Variants in SDHA observed in about 807,000 individuals in gnomAD.
SDHA encodes the protein succinate dehydrogenase [ubiquinone] flavoprotein subunit, mitochondrial.
SDHA carries 48 observed loss-of-function variants against 78.4 expected under a neutral mutation model. That is an observed-to-expected ratio of 0.61 (90% CI 0.49 to 0.78). The LOEUF is 0.78. Ranked by LOEUF, SDHA falls within the 30% of genes least tolerant of loss-of-function variation. The probability of loss-of-function intolerance (pLI) is 0.00; values close to 1 mark genes in which losing one functional copy is unlikely to be tolerated. For synonymous variants in SDHA, 326 were observed against 353.9 expected (o/e 0.92, Z 0.88); for missense variants, 680 against 892.7 (o/e 0.76, Z 3.04).
At chr5:249,272 C>T (rs375335479) in intron 11 of SDHA, 22 of 243,230 alleles carry the variant, frequency 9.0e-5, no homozygotes, top group East Asian at 4.8e-4. Flanking sequence ...AGTAGCTCAC[C>T]GTAACAAAGC....
the SDHA span, among the ~76,000 whole-genome samples, chr5:262,325 CATTACCGTGTGAGCTCCGCCTCCCGGCAG>C: frequency 8.8e-5 from 10 of 114,088 alleles, 1 homozygote; most frequent in African/African-American, 2.4e-4. Context: ...CCCGTCAGAG[CATTACCGTGTGAGCTCCGCCTCCCGGCAG>C]AGCATTACCG....
At chr5:230,751 G>T in intron 6 of SDHA, 125 bp from the exon 7 acceptor site, 1 of 1,273,570 alleles carries the variant, frequency 7.9e-7, no homozygotes, top group South Asian at 1.2e-5. Context: ...CGTGAGTAGG[G>T]GGTTGTGTGT....
At chr5:227,156 G>A (rs1229514312) in intron 5 of SDHA, among the ~76,000 whole-genome samples, 5 of 151,950 alleles carry the variant, frequency 3.3e-5, no homozygotes, top group Middle Eastern at 3.4e-3. Context: ...GACTACAGGC[G>A]CACGCCACCA....
chr5:268,713 G>A, the SDHA span, among the ~76,000 whole-genome samples: 1 of 152,082 alleles, frequency 6.6e-6, no homozygotes, highest in Non-Finnish European at 1.5e-5. Context: ...TTATAAGGGT[G>A]GATTATATTT....
intron 3 of SDHA, chr5:224,947 A>G (rs1734923536): frequency 9.0e-6 from 3 of 334,318 alleles, no homozygotes; most frequent in African/African-American, 6.4e-5. Context: ...ACACACAGCC[A>G]AAGGAAGCTG....
intron 7 of SDHA, among the ~76,000 whole-genome samples, chr5:232,290 A>T (rs193163809): frequency 6.4e-4 from 98 of 152,264 alleles, no homozygotes; most frequent in African/African-American, 2.3e-3. Flanking sequence ...GACTCACTGC[A>T]GCCTTTGTCT....
chr5:251,639 G>C, intron 13 of SDHA, 171 bp downstream of exon 13: 2 of 1,531,480 alleles, frequency 1.3e-6, no homozygotes, highest in African/African-American at 2.8e-5. Context: ...CCATCTTCTG[G>C]ATCACTGTGA....
chr5:225,547 C>A lies in SDHA; in HGVS notation c.441C>A (p.Pro147=), dbSNP rs201453889. The A allele has an allele frequency of 1.9e-6, 3 of 1,613,868 alleles. No homozygotes were observed. The East Asian group carries it at 6.7e-5, about 36-fold the overall frequency. Reference sequence around the variant, plus strand: ...TCCACTACATGACGGAGCAGGCCCCCGCCGCCGTGGTCGAGGTGATGGGCG... The same window carrying A: ...TCCACTACATGACGGAGCAGGCCCCAGCCGCCGTGGTCGAGGTGATGGGCG... The part of the protein sequence containing the change: ...DAIHYMTEQA[P]AAVVELENYG... The change falls in exon 4 of 15, where the codon CCC becomes CCA. Residue 147 remains proline, a synonymous_variant. Coordinates refer to ENST00000264932, the MANE Select transcript of SDHA (RefSeq NM_004168.4).
In SDHA at chr5:236,466, C is replaced by T. The variant is rs144473374; in HGVS notation, c.1299C>T (p.Pro433=). 60 of 1,613,782 alleles carry T rather than the reference C, an allele frequency of 3.7e-5. No homozygotes were observed. Among genetic ancestry groups the T allele is most frequent in the African/African-American group, 1.7e-4 (13 of 74,920 alleles). The change falls in exon 10 of 15, where the codon CCC becomes CCT. Residue 433 remains proline (P), a synonymous_variant. Transcript: ENST00000264932. ...RHVNGQDQIV[P]GLYACGEAAC... ...TGAATGGCCAGGATCAGATTGTGCC[C>T]GGCCTGTACGCCTGTGGGGAGGCCG...
intron 6 of SDHA, among the ~76,000 whole-genome samples, chr5:229,080 G>T (rs536544097): frequency 6.6e-6 from 1 of 151,686 alleles, no homozygotes; most frequent in South Asian, 2.1e-4. Flanking sequence ...ATCTCATCTC[G>T]CTCCAGTTAG....
rs538621686 is a variant in SDHA, at chr5:228,342, C to G, written c.770+9C>G. On this transcript the variant is annotated intron_variant, in intron 6 of 14. Coordinates refer to ENST00000264932, the MANE Select transcript of SDHA (RefSeq NM_004168.4). ...ACTGTTGTTGCCACAGGGTAGGAAT[C>G]TCATTTCTACTTTATTTTGTTTATA... is the stretch of plus-strand genomic sequence containing the variant. 1.5e-5 allele frequency: 24 copies of G among 1,611,290 alleles called. No individual in the cohort carries two copies. In the South Asian group the frequency reaches 2.6e-4, roughly 18 times the overall value.
the SDHA span, among the ~76,000 whole-genome samples, chr5:262,290 G>A: frequency 3.9e-4 from 26 of 66,842 alleles, 6 homozygotes; most frequent in African/African-American, 1.1e-3. Flanking sequence ...CCTCCCGACA[G>A]AGCATTACCG....
intron 1 of SDHA, among the ~76,000 whole-genome samples, chr5:221,548 T>C (rs1734718784): frequency 6.6e-6 from 1 of 152,212 alleles, no homozygotes; most frequent in Admixed American, 6.5e-5. Flanking sequence ...ACTTCTTACT[T>C]TTCCCCTCCA....
intron 14 of SDHA, among the ~76,000 whole-genome samples, chr5:255,171 A>AGCGTCCTG (rs1554002674): frequency 2.6e-5 from 4 of 151,302 alleles, no homozygotes; most frequent in Admixed American, 6.6e-5. Flanking sequence ...ACACAAGCAC[A>AGCGTCCTG]GTTCACCTGT....
At chr5:244,280 C>T (rs1352363170) in intron 11 of SDHA, among the ~76,000 whole-genome samples, 1 of 151,440 alleles carries the variant, frequency 6.6e-6, no homozygotes, top group Non-Finnish European at 1.5e-5. Context: ...GTCTGTGGAC[C>T]CTTGCAAGCA....
intron 11 of SDHA, among the ~76,000 whole-genome samples, chr5:243,149 A>T (rs1717830627): frequency 6.6e-6 from 1 of 152,184 alleles, no homozygotes; most frequent in South Asian, 2.1e-4. Context: ...GAGGCTTGGC[A>T]GTTCCCTGTT....
At chr5:225,796 G>A (rs1280343884) in intron 4 of SDHA, 87 bp from the exon 5 acceptor site, 2 of 1,545,610 alleles carry the variant, frequency 1.3e-6, no homozygotes, top group Non-Finnish European at 1.8e-6. Context: ...TTGCAGATTT[G>A]TGTTAAACTT....
At chr5:222,600 C>G (rs1579378297) in intron 1 of SDHA, among the ~76,000 whole-genome samples, 2 of 152,152 alleles carry the variant, frequency 1.3e-5, no homozygotes, top group African/African-American at 4.8e-5. Flanking sequence ...TTGGCCTCCC[C>G]AAATGCTGGG....
Position 256,402 on chromosome 5 carries a change from A to G in SDHA, c.1977A>G (p.Pro659=), listed in dbSNP as rs768693502. 69 of 1,613,476 alleles carry G rather than the reference A, an allele frequency of 4.3e-5. No homozygotes were observed. In the South Asian group the frequency reaches 7.1e-4, roughly 17 times the overall value. The change falls in exon 15 of 15, where the codon CCA becomes CCG. Residue 659 remains proline (P), a synonymous_variant. Transcript: ENST00000264932. ...AGGCTGACTGTGCCACCGTCCCGCCAGCCATTCGCTCCTACTGATGAGACA... is the reference window on the plus strand; with the variant it reads ...AGGCTGACTGTGCCACCGTCCCGCCGGCCATTCGCTCCTACTGATGAGACA... ...LNEADCATVP[P]AIRSY
Sources: allele counts gnomAD v4.1 joint callset (sites outside exome capture counted in the v4.1 genomes callset), GRCh38; gene constraint gnomAD v4.1.1; transcripts MANE v1.5; gene names NCBI Gene and HGNC (gene_info 2026-07-23, HGNC 2026-07-21).